Variants in GPC6 observed in about 807,000 individuals in gnomAD.
GPC6 encodes glypican-6.
A neutral mutation model predicts 55.2 loss-of-function variants in GPC6; 14 were observed. The observed-to-expected ratio is 0.25, with a 90% CI of 0.17 to 0.40. GPC6 has a LOEUF of 0.40. GPC6 is among the 10% of genes least tolerant of loss of function. The pLI is 1.00. For synonymous variants in GPC6, 278 were observed against 259.6 expected, an observed-to-expected ratio of 1.07 and a Z score of -0.68; for missense variants, 641 against 708.5, an observed-to-expected ratio of 0.90 and a Z score of 1.08.
chr13:93,247,924 T>C (rs964535104), intron 1 of GPC6, among the ~76,000 whole-genome samples: 9 of 152,154 alleles, frequency 5.9e-5, no homozygotes, highest in African/African-American at 2.2e-4. Flanking sequence ...TTAAAACAAG[T>C]TAGGTGCATC....
chr13:93,617,961 T>G (rs1878794987), intron 2 of GPC6, among the ~76,000 whole-genome samples: 1 of 152,108 alleles, frequency 6.6e-6, no homozygotes, highest in South Asian at 2.1e-4. Flanking sequence ...CCATCCATTA[T>G]TAAAAGGAGA....
At chr13:93,698,527 G>T (rs1201080872) in intron 2 of GPC6, among the ~76,000 whole-genome samples, 14 of 91,946 alleles carry the variant, frequency 1.5e-4, no homozygotes, top group African/African-American at 4.0e-4. Flanking sequence ...AGGTTAGGGC[G>T]TTTGTTATTT....
At chr13:93,376,831 G>T (rs1288524899) in intron 1 of GPC6, among the ~76,000 whole-genome samples, 2 of 149,806 alleles carry the variant, frequency 1.3e-5, no homozygotes, top group Non-Finnish European at 3.0e-5. Flanking sequence ...AAATGTCCTG[G>T]CTGTGACCAG....
intron 4 of GPC6, among the ~76,000 whole-genome samples, chr13:94,213,193 C>T (rs190862815): frequency 6.2e-4 from 94 of 152,136 alleles, no homozygotes; most frequent in Non-Finnish European, 8.5e-4. Flanking sequence ...AATACTAAGT[C>T]CTGGAGTCAG....
intron 2 of GPC6, among the ~76,000 whole-genome samples, chr13:93,790,060 A>G (rs1449428445): frequency 3.9e-5 from 6 of 152,138 alleles, no homozygotes; most frequent in African/African-American, 1.2e-4. Flanking sequence ...CCATCTTCAA[A>G]TGTCAGTAGT....
At chr13:93,549,410 A>G (rs1875003535) in intron 2 of GPC6, among the ~76,000 whole-genome samples, 1 of 152,214 alleles carries the variant, frequency 6.6e-6, no homozygotes, top group Non-Finnish European at 1.5e-5. Context: ...GAAATGGAGA[A>G]CAGGCAAATA....
chr13:93,848,387 C>T (rs1192755079), intron 3 of GPC6, among the ~76,000 whole-genome samples: 2 of 152,026 alleles, frequency 1.3e-5, no homozygotes, highest in East Asian at 1.9e-4. Context: ...CTATATTTCT[C>T]CCTTTCCCGT....
intron 2 of GPC6, among the ~76,000 whole-genome samples, chr13:93,750,257 G>A (rs1318440696): frequency 1.3e-5 from 2 of 152,140 alleles, no homozygotes; most frequent in African/African-American, 2.4e-5. Context: ...ATGTTTCTAC[G>A]AAAATTTGTT....
intron 1 of GPC6, among the ~76,000 whole-genome samples, chr13:93,260,475 T>A (rs1877106029): frequency 6.6e-6 from 1 of 152,108 alleles, no homozygotes; most frequent in Admixed American, 6.6e-5. Flanking sequence ...AATAAATATC[T>A]TTGGCTAACA....
At chr13:93,717,323 A>T (rs1485602769) in intron 2 of GPC6, among the ~76,000 whole-genome samples, 2 of 151,728 alleles carry the variant, frequency 1.3e-5, no homozygotes, top group African/African-American at 4.8e-5. Flanking sequence ...CTTCTTTAAA[A>T]TTCTGATTTA....
At chr13:93,835,630 T>C (rs931681038) in intron 3 of GPC6, among the ~76,000 whole-genome samples, 1 of 152,128 alleles carries the variant, frequency 6.6e-6, no homozygotes, top group Non-Finnish European at 1.5e-5. Context: ...CACATGCCTG[T>C]AATCCCAGCT....
rs918357619 is a variant in GPC6 at position 93,302,681 on chromosome 13, G to A, written c.160+75065G>A. Among the ~76,000 whole-genome samples, 5 of 152,308 alleles carry A rather than the reference G, an allele frequency of 3.3e-5. No homozygotes were observed. The East Asian group carries it at 7.7e-4, about 24-fold the overall frequency. On this transcript the variant is annotated intron_variant, in intron 1 of 8. Coordinates refer to ENST00000377047, the MANE Select transcript of GPC6 (RefSeq NM_005708.5). ...GTCTGCCATTAGAATCCACTTTTCA[G>A]TGTAGGTAGAACACCTGTAGCAGAA...
intron 3 of GPC6, among the ~76,000 whole-genome samples, chr13:93,882,819 C>T (rs1207831698): frequency 6.6e-6 from 1 of 152,038 alleles, no homozygotes; most frequent in Non-Finnish European, 1.5e-5. Flanking sequence ...CTTTCTGACA[C>T]CTGCAGTGAA....
At chr13:94,083,546 T>C (rs542110516) in intron 4 of GPC6, among the ~76,000 whole-genome samples, 16 of 152,362 alleles carry the variant, frequency 1.1e-4, no homozygotes, top group Non-Finnish European at 5.9e-5. Flanking sequence ...TTATCACTGC[T>C]ATAGCCCTGG....
intron 4 of GPC6, among the ~76,000 whole-genome samples, chr13:94,068,519 A>T (rs1174319753): frequency 1.3e-5 from 2 of 152,146 alleles, no homozygotes; most frequent in Non-Finnish European, 1.5e-5. Flanking sequence ...GTCTTAACTT[A>T]TTTCAGCATT....
intron 3 of GPC6, among the ~76,000 whole-genome samples, chr13:93,917,389 A>T (rs1877344608): frequency 6.6e-6 from 1 of 152,170 alleles, no homozygotes; most frequent in African/African-American, 2.4e-5. Flanking sequence ...TCAAGTTTCA[A>T]ATCCTGCCAC....
At chr13:94,200,152 GT>G (rs1889705092) in intron 4 of GPC6, among the ~76,000 whole-genome samples, 1 of 109,126 alleles carries the variant, frequency 9.2e-6, no homozygotes, top group Admixed American at 1.0e-4. Context: ...GCAAAACTCT[GT>G]CTAAAAAAAA....
At chr13:94,093,656 A>G (rs1238369396) in intron 4 of GPC6, among the ~76,000 whole-genome samples, 2 of 152,056 alleles carry the variant, frequency 1.3e-5, no homozygotes, top group Non-Finnish European at 2.9e-5. Flanking sequence ...TGGAGTTTTG[A>G]TAGGGATTGC....
At chr13:93,665,104 T>G (rs1269966084) in intron 2 of GPC6, among the ~76,000 whole-genome samples, 5 of 152,232 alleles carry the variant, frequency 3.3e-5, no homozygotes. Flanking sequence ...AATTCTACTT[T>G]AGGAATTTAT....
Sources: allele counts gnomAD v4.1 joint callset (sites outside exome capture counted in the v4.1 genomes callset), GRCh38; gene constraint gnomAD v4.1.1; transcripts MANE v1.5; gene names NCBI Gene and HGNC (gene_info 2026-07-23, HGNC 2026-07-21).